Variants in PRAMEF11 observed in about 807,000 individuals in gnomAD.
The protein encoded by PRAMEF11 is PRAME family member 11.
Under a neutral mutation model 33.6 loss-of-function variants are expected in PRAMEF11, and 17 were observed. That is an observed-to-expected ratio of 0.51 (90% CI 0.35 to 0.76). The LOEUF (loss-of-function observed/expected upper bound fraction) is 0.76, where lower values mean the gene tolerates loss of function less well. Among genes scored for constraint, PRAMEF11 ranks in the 30% least tolerant of loss-of-function variants. PRAMEF11 has a pLI of 0.01. For synonymous variants in PRAMEF11, 205 were observed against 227.3 expected (o/e 0.90, Z 0.88); for missense variants, 568 against 567.0 (o/e 1.00, Z -0.02).
Position 12,825,126 on chromosome 1 carries a change from G to A in PRAMEF11, c.1253C>T (p.Pro418Leu), listed in dbSNP as rs532809383. Residue 418 changes from proline (P) to leucine (L), a missense_variant, in exon 4 of 4, where the codon CCG becomes CTG. Coordinates refer to ENST00000619922, the MANE Select transcript of PRAMEF11 (RefSeq NM_001146344.3). ...KNLCLELYPAPQESYGADGTL... is the reference protein window; with the variant it reads ...KNLCLELYPALQESYGADGTL... ...ACCATCAGCACCATAACTTTCCTGC[G>A]GGGCAGGATACAGCTCCAGGCATAA... The A allele has an allele frequency of 8.9e-5, 144 of 1,609,368 alleles. 5 individuals carry two copies. Among genetic ancestry groups the A allele is most frequent in the Non-Finnish European group, 1.1e-4 (133 of 1,177,760 alleles).
In PRAMEF11 at chr1:12,829,369, C is replaced by A. The variant is rs201692009; in HGVS notation, c.-16-564G>T. ...TTTCTTTCTTGTCTTCTTTCCCTGC[C>A]TCCCTTCTCTCATTCTCTCTCTCTT... is the stretch of plus-strand genomic sequence containing the variant. On this transcript the variant is annotated intron_variant, in intron 1 of 3. Coordinates refer to ENST00000619922, the MANE Select transcript of PRAMEF11 (RefSeq NM_001146344.3). Among the ~76,000 whole-genome samples the A allele has an allele frequency of 5.4e-5, 8 of 147,204 alleles. No homozygotes were observed. The South Asian group carries it at 6.8e-4, about 12-fold the overall frequency.
Position 12,829,733 on chromosome 1 carries a change from T to C in PRAMEF11, c.-16-928A>G, listed in dbSNP as rs1343096257. Among the ~76,000 whole-genome samples the C allele has an allele frequency of 4.6e-5, 7 of 150,610 alleles. 1 individual carries two copies. The Admixed American group carries it at 4.7e-4, about 10-fold the overall frequency. On this transcript the variant is annotated intron_variant, in intron 1 of 3. Coordinates refer to ENST00000619922, the MANE Select transcript of PRAMEF11 (RefSeq NM_001146344.3). ...CTCATTATTGAAAATTTCAGTGAGA[T>C]GCAGTGGTCTCCGCCTGTAGTCCAA...
Position 12,825,054 on chromosome 1 carries a change from T to G in PRAMEF11, c.1325A>C (p.Lys442Thr). 2 of 1,609,826 alleles carry G rather than the reference T, an allele frequency of 1.2e-6. No homozygotes were observed. Among genetic ancestry groups the G allele is most frequent in the Non-Finnish European group, 1.7e-6 (2 of 1,177,754 alleles). Residue 442 changes from lysine (K) to threonine (T), a missense_variant, in exon 4 of 4, where the codon AAG (lysine) becomes ACG (threonine). Coordinates refer to ENST00000619922, the MANE Select transcript of PRAMEF11 (RefSeq NM_001146344.3). ...GGGGTGCCTTAAGTGCCTCACTTTCTTCATCAGCTCAGCCCTAATTTGAGC... is the reference window on the plus strand; with the variant it reads ...GGGGTGCCTTAAGTGCCTCACTTTCGTCATCAGCTCAGCCCTAATTTGAGC... ...RFAQIRAELM[K>T]KVRHLRHPKR... is the part of the protein sequence containing the mutation.
intron 1 of PRAMEF11, among the ~76,000 whole-genome samples, chr1:12,830,939 G>A (rs1630132): frequency 2.7e-5 from 4 of 149,798 alleles, no homozygotes; most frequent in East Asian, 2.0e-4. Context: ...GTTGCAGTGA[G>A]TTGAGATCAT....
At chr1:12,826,079 T>C (rs1247850465) in intron 3 of PRAMEF11, among the ~76,000 whole-genome samples, 1 of 150,484 alleles carries the variant, frequency 6.6e-6, no homozygotes, top group African/African-American at 2.4e-5. Context: ...CCTTTCCTCA[T>C]CTGTCAGGCA....
rs1163609092 is a variant in PRAMEF11 at position 12,824,738 on chromosome 1, C to G, written c.*204G>C. On this transcript the variant is annotated 3_prime_UTR_variant, in exon 4 of 4. Coordinates refer to ENST00000619922, the MANE Select transcript of PRAMEF11 (RefSeq NM_001146344.3). ...TTCCCATTTTCGACTCTACAGGATA[C>G]AGGTTCCCAAAGTCCCATTGAATCC... The G allele has an allele frequency of 1.3e-6, 1 of 793,904 alleles. No homozygotes were observed. Among genetic ancestry groups the G allele is most frequent in the Non-Finnish European group, 2.0e-6 (1 of 511,148 alleles). The allele number at this position is 793,904 out of a possible 1,614,324, so 49.2% of individuals were successfully genotyped here. A position where few individuals can be genotyped will look rare whatever the true frequency, so the allele number is the denominator to read the frequency against.
chr1:12,830,859 G>A (rs1336187864), intron 1 of PRAMEF11, among the ~76,000 whole-genome samples: 6 of 150,616 alleles, frequency 4.0e-5, no homozygotes, highest in Admixed American at 6.7e-5. Context: ...CATGGTTTCA[G>A]ATGTCTGTGA....
rs1362709311 is a variant in PRAMEF11 at position 12,827,942 on chromosome 1, T to A, written c.294-112A>T. 2.2e-5 allele frequency: 34 copies of A among 1,564,516 alleles called. 2 individuals are homozygous for A. The South Asian group carries it at 2.6e-4, about 12-fold the overall frequency. ...CCTGCTTGTTGTCCCTCTCTCTGAG[T>A]TTTCTTCACCCTGTTTTCCCCTTGG... On this transcript the variant is annotated intron_variant, in intron 2 of 3. Transcript: ENST00000619922.
At position 12,827,371 on chromosome 1, in the gene PRAMEF11, G is replaced by C. The variant is rs759601087; in HGVS notation, c.753C>G (p.Ser251=). The C allele has an allele frequency of 5.0e-6, 8 of 1,601,376 alleles. 1 individual carries two copies. The highest frequency in any genetic ancestry group is 5.9e-6 in the Non-Finnish European group (7 of 1,177,692). Residue 251 remains serine (S), a synonymous_variant, in exon 3 of 4, where the codon TCC becomes TCG. Transcript: ENST00000619922. The stretch of plus-strand genomic sequence containing the variant: ...TAACAATCTCCTTCTTCTGCTCTGG[G>C]GAAACGTAGCGAGAGACATCCATGT... ...LSHMDVSRYV[S]PEQKKEIVTQ...
chr1:12,825,079 C>A lies in PRAMEF11; in HGVS notation c.1300G>T (p.Ala434Ser), dbSNP rs2359270. 10 of 1,609,634 alleles carry A rather than the reference C, an allele frequency of 6.2e-6. No individual in the cohort carries two copies. Among genetic ancestry groups the A allele is most frequent in the African/African-American group, 1.3e-5 (1 of 74,680 alleles). Residue 434 changes from alanine (A) to serine (S), a missense_variant, in exon 4 of 4, where the codon GCT becomes TCT. This residue lies in a region of PRAMEF11 where 174 missense variants were observed against 127.2 expected (regional missense o/e 1.37). Transcript: ENST00000619922. ...TTCATCAGCTCAGCCCTAATTTGAG[C>A]AAATCTGCTCCAGCAGAGAGTACCA... The part of the protein sequence containing the change: ...ADGTLCWSRF[A>S]QIRAELMKKV...
Position 12,825,004 on chromosome 1 carries a change from T to G in PRAMEF11, c.1375A>C (p.Asn459His), listed in dbSNP as rs1737108. The change falls in exon 4 of 4, where the codon AAC (asparagine) becomes CAC (histidine). Residue 459 changes from asparagine to histidine, a missense_variant. Coordinates refer to ENST00000619922, the MANE Select transcript of PRAMEF11 (RefSeq NM_001146344.3). ...GACCTGTCGCCATGGTCAGGGCAGT[T>G]GTCAGTACAGAACAAGATCCTCTTG... The part of the protein sequence containing the change: ...HPKRILFCTD[N>H]CPDHGDRSFY... 7.5e-6 allele frequency: 12 copies of G among 1,609,396 alleles called. No homozygotes were observed. The highest frequency in any genetic ancestry group is 1.0e-5 in the Non-Finnish European group (12 of 1,177,746).
In PRAMEF11 at chr1:12,828,769, A is replaced by T. The variant is rs1639937895; in HGVS notation, c.21T>A (p.Ile7=). 6.2e-7 allele frequency: 1 copy of T among 1,609,548 alleles called. No individual in the cohort carries two copies. Among genetic ancestry groups the T allele is most frequent in the African/African-American group, 1.3e-5 (1 of 74,706 alleles). MKMSIR[I]PPRLLELAGR... is the part of the protein sequence containing the mutation. ...CCGCAAGCTCCAGGAGTCTGGGTGG[A>T]ATCCGGATGCTCATCTTCATGAATC... Residue 7 remains isoleucine, a synonymous_variant, in exon 2 of 4, where the codon ATT becomes ATA. Transcript: ENST00000619922.
chr1:12,829,542 A>G (rs2100347274), intron 1 of PRAMEF11, among the ~76,000 whole-genome samples: 2 of 151,340 alleles, frequency 1.3e-5, no homozygotes, highest in Middle Eastern at 6.9e-3. Flanking sequence ...CTGGGACCAC[A>G]GTTATGCATC....
Position 12,829,906 on chromosome 1 carries a change from A to C in PRAMEF11, c.-16-1101T>G, listed in dbSNP as rs1019660884. ...AGAGCTACATTTGATTAGAATTCTT[A>C]ATCTCTACCCAGTTAATCCTGATTG... On this transcript the variant is annotated intron_variant, in intron 1 of 3. Transcript: ENST00000619922. Among the ~76,000 whole-genome samples, 14 of 151,284 alleles carry C rather than the reference A, an allele frequency of 9.3e-5. 1 individual carries two copies. The highest frequency in any genetic ancestry group is 3.4e-4 in the African/African-American group (14 of 41,284).
intron 1 of PRAMEF11, among the ~76,000 whole-genome samples, chr1:12,829,659 C>T (rs957783555): frequency 6.6e-6 from 1 of 151,374 alleles, no homozygotes; most frequent in Non-Finnish European, 1.5e-5. Context: ...ATCTACCCCT[C>T]TTGGCCTCCC....
Position 12,827,412 on chromosome 1 carries a change from T to C in PRAMEF11, c.712A>G (p.Lys238Glu). The change falls in exon 3 of 4, where the codon AAG becomes GAG. Residue 238 changes from lysine to glutamate, a missense_variant. Lys to Glu is a moderately conservative substitution (Grantham distance 56). Transcript: ENST00000619922. ...PYLGHLRNLQKLVLSHMDVSR... is the reference protein window; with the variant it reads ...PYLGHLRNLQELVLSHMDVSR... Reference sequence around the variant, plus strand: ...ACATCCATGTGGGAGAGAACGAGCTTCTGAAGATTCCTCAAGTGGCCCAGG... The same window carrying C: ...ACATCCATGTGGGAGAGAACGAGCTCCTGAAGATTCCTCAAGTGGCCCAGG... 1 of 1,606,834 alleles carries C rather than the reference T, an allele frequency of 6.2e-7. No individual in the cohort carries two copies. The highest frequency in any genetic ancestry group is 1.7e-5 in the Admixed American group (1 of 59,752).
In PRAMEF11 at chr1:12,824,780, C is replaced by G. The variant is rs940129954; in HGVS notation, c.*162G>C. On this transcript the variant is annotated 3_prime_UTR_variant, in exon 4 of 4. Coordinates refer to ENST00000619922, the MANE Select transcript of PRAMEF11 (RefSeq NM_001146344.3). ...ATTGAATCCATGGCAACATTTCCCC[C>G]AAGTCCTGCCCCTGCTTGATCAGCT... The G allele has an allele frequency of 5.2e-6, 6 of 1,157,458 alleles. No homozygotes were observed. The highest frequency in any genetic ancestry group is 7.3e-6 in the Non-Finnish European group (6 of 825,280). 71.7% of individuals were successfully genotyped at this position (1,157,458 alleles called of 1,614,324 possible).
At chr1:12,830,654 G>A (rs1315080640) in intron 1 of PRAMEF11, among the ~76,000 whole-genome samples, 9 of 149,200 alleles carry the variant, frequency 6.0e-5, no homozygotes, top group Non-Finnish European at 1.2e-4. Flanking sequence ...AAATAGCTGG[G>A]ACTACAGATG....
Position 12,828,772 on chromosome 1 carries a change from C to G in PRAMEF11, c.18G>C (p.Arg6=), listed in dbSNP as rs1557612223. Residue 6 remains arginine, a synonymous_variant, in exon 2 of 4, where the codon CGG becomes CGC. Transcript: ENST00000619922. ...CAAGCTCCAGGAGTCTGGGTGGAAT[C>G]CGGATGCTCATCTTCATGAATCTGC... MKMSI[R]IPPRLLELAG... is the part of the protein sequence containing the mutation. 1.2e-6 allele frequency: 2 copies of G among 1,609,516 alleles called. No individual in the cohort carries two copies. Among genetic ancestry groups the G allele is most frequent in the Non-Finnish European group, 1.7e-6 (2 of 1,178,048 alleles).
Sources: allele counts gnomAD v4.1 joint callset (sites outside exome capture counted in the v4.1 genomes callset), GRCh38; gene constraint gnomAD v4.1.1; regional missense constraint gnomAD v4.1.1; transcripts MANE v1.5; gene names NCBI Gene and HGNC (gene_info 2026-07-23, HGNC 2026-07-21).